Variants in CACNA1S observed in about 807,000 individuals in gnomAD.
The protein encoded by CACNA1S is calcium voltage-gated channel subunit alpha1 S.
A neutral mutation model predicts 207.4 loss-of-function variants in CACNA1S; 126 were observed. The observed-to-expected ratio is 0.61, with a 90% CI of 0.53 to 0.70. The LOEUF (loss-of-function observed/expected upper bound fraction) is 0.70. CACNA1S is among the 30% of genes least tolerant of loss of function. The pLI, the probability that CACNA1S is intolerant of heterozygous loss-of-function variation, is 0.00. For synonymous variants in CACNA1S, 960 were observed against 932.7 expected, an observed-to-expected ratio of 1.03 and a Z score of -0.53; for missense variants, 2,349 against 2,422.8, an observed-to-expected ratio of 0.97 and a Z score of 0.64.
chr1:201,081,710 G>T (rs564966306), intron 10 of CACNA1S, among the ~76,000 whole-genome samples: 4 of 133,652 alleles, frequency 3.0e-5, no homozygotes, highest in Admixed American at 7.9e-5. Flanking sequence ...GGGGCCTGGT[G>T]GGGGGTGTTT....
chr1:201,052,673 T>A, intron 31 of CACNA1S, 25 bp from the exon 32 acceptor site: 1 of 1,577,220 alleles, frequency 6.3e-7, no homozygotes. Context: ...GGGCCCTGAC[T>A]GTGGAACCTA....
At chr1:201,072,898 G>C (rs2102136067) in intron 15 of CACNA1S, 74 bp from the exon 16 acceptor site, 1 of 1,087,718 alleles carries the variant, frequency 9.2e-7, no homozygotes, top group South Asian at 1.2e-5. Flanking sequence ...ATATACTGGA[G>C]AGCCTGTTAG....
chr1:201,047,548 T>A lies in CACNA1S; in HGVS notation c.4520A>T (p.Asp1507Val). The A allele has an allele frequency of 6.2e-7, 1 of 1,614,096 alleles. No homozygotes were observed. Among genetic ancestry groups the A allele is most frequent in the Non-Finnish European group, 8.5e-7 (1 of 1,179,924 alleles). Residue 1507 changes from aspartate (D) to valine (V), a missense_variant, in exon 37 of 44, where the codon GAC (aspartate) becomes GTC (valine). Coordinates refer to ENST00000362061, the MANE Select transcript of CACNA1S (RefSeq NM_000069.3). ...ACCTCCTATTGGAGGGATGACCTGG[T>A]CCAAGAGCTTCATGCTGGTTCTCTT... ...IWKRTSMKLL[D>V]QVIPPIGDDE...
chr1:201,043,119 C>A, intron 40 of CACNA1S, 162 bp downstream of exon 40: 1 of 831,886 alleles, frequency 1.2e-6, no homozygotes, highest in South Asian at 1.5e-5. Context: ...CCTCTGCCAT[C>A]GAGGTCGGCC....
rs112628416 is a variant in CACNA1S at position 201,085,049 on chromosome 1, A to G, written c.1151-18T>C. 1.0e-4 allele frequency: 165 copies of G among 1,596,014 alleles called. No homozygotes were observed. The highest frequency in any genetic ancestry group is 1.3e-4 in the Non-Finnish European group (155 of 1,170,172). On this transcript the variant is annotated intron_variant, in intron 8 of 43. Coordinates refer to ENST00000362061, the MANE Select transcript of CACNA1S (RefSeq NM_000069.3). ...CAGTTTTCCTGGAGACAGGAGAGAAAGAGTCAGCCAGCCTTCGGGGCCCCT... is the reference window on the plus strand; with the variant it reads ...CAGTTTTCCTGGAGACAGGAGAGAAGGAGTCAGCCAGCCTTCGGGGCCCCT...
intron 18 of CACNA1S, 127 bp from the exon 19 acceptor site, chr1:201,069,323 G>A (rs1661366103): frequency 1.4e-6 from 2 of 1,404,370 alleles, no homozygotes; most frequent in Middle Eastern, 1.8e-4. Flanking sequence ...TTCAGAAGGA[G>A]TGGAGTGGGC....
At chr1:201,110,361 C>T in intron 1 of CACNA1S, 92 bp from the exon 2 acceptor site, 1 of 1,074,700 alleles carries the variant, frequency 9.3e-7, no homozygotes, top group Non-Finnish European at 1.4e-6. Context: ...TGGACTGTGA[C>T]TCTGATGCCA....
intron 8 of CACNA1S, 37 bp downstream of exon 8, chr1:201,085,399 G>T (rs1448024840): frequency 6.2e-6 from 10 of 1,613,614 alleles, no homozygotes. Context: ...GAGTGAGAGA[G>T]TGGGGTGAGT....
Position 201,069,134 on chromosome 1 carries a change from C to T in CACNA1S, c.2550+3G>A. On this transcript the variant is annotated splice_donor_region_variant and intron_variant, in intron 19 of 43. Coordinates refer to ENST00000362061, the MANE Select transcript of CACNA1S (RefSeq NM_000069.3). Reference sequence around the variant, plus strand: ...CCAGGGCTGCCCCACAGCCTTCACTCACCTTGAGGACAATCTCCACAGTGA... The same window carrying T: ...CCAGGGCTGCCCCACAGCCTTCACTTACCTTGAGGACAATCTCCACAGTGA... The T allele has an allele frequency of 6.2e-7, 1 of 1,613,838 alleles. No homozygotes were observed. The highest frequency in any genetic ancestry group is 8.5e-7 in the Non-Finnish European group (1 of 1,179,728).
At chr1:201,059,348 A>C (rs1572033778) in intron 26 of CACNA1S, 49 bp from the exon 27 acceptor site, 1 of 1,238,796 alleles carries the variant, frequency 8.1e-7, no homozygotes. Flanking sequence ...GGGTTTGCCC[A>C]CCCTGTAGAT....
intron 39 of CACNA1S, 26 bp downstream of exon 39, chr1:201,044,302 T>C: frequency 6.2e-7 from 1 of 1,611,948 alleles, no homozygotes; most frequent in Middle Eastern, 1.7e-4. Flanking sequence ...TCTAGACCAC[T>C]AGGGGTGCTC....
At chr1:201,071,610 C>G (rs1661437520) in intron 16 of CACNA1S, among the ~76,000 whole-genome samples, 1 of 152,082 alleles carries the variant, frequency 6.6e-6, no homozygotes, top group Non-Finnish European at 1.5e-5. Flanking sequence ...TCCTGCTGTC[C>G]AGCCCACACC....
At chr1:201,111,600 C>G (rs1000345706) in intron 1 of CACNA1S, among the ~76,000 whole-genome samples, 6 of 152,180 alleles carry the variant, frequency 3.9e-5, no homozygotes, top group Non-Finnish European at 5.9e-5. Context: ...CTGTCCTCAG[C>G]TGGGACCTGC....
At chr1:201,107,727 C>A (rs771929871) in intron 2 of CACNA1S, among the ~76,000 whole-genome samples, 6 of 152,166 alleles carry the variant, frequency 3.9e-5, no homozygotes, top group Non-Finnish European at 7.3e-5. Context: ...TACTCTGACT[C>A]CTCTCATCTC....
intron 2 of CACNA1S, among the ~76,000 whole-genome samples, chr1:201,108,342 T>A (rs4915217): frequency 0.46 from 70,034 of 151,560 alleles, 16,811 homozygotes; most frequent in East Asian, 0.81. Flanking sequence ...GATGCAAGAT[T>A]TCTTCACGTC....
At chr1:201,076,512 G>A (rs886330974) in intron 12 of CACNA1S, among the ~76,000 whole-genome samples, 2 of 152,258 alleles carry the variant, frequency 1.3e-5, no homozygotes, top group Non-Finnish European at 2.9e-5. Flanking sequence ...CCCCTGCAGA[G>A]TGAGAAATGG....
intron 2 of CACNA1S, among the ~76,000 whole-genome samples, chr1:201,108,921 G>C (rs112218324): frequency 1.3e-5 from 2 of 152,082 alleles, no homozygotes; most frequent in Non-Finnish European, 2.9e-5. Flanking sequence ...TCTTTCTGCC[G>C]TCACCCATCA....
chr1:201,077,024 G>A lies in CACNA1S; in HGVS notation c.1723C>T (p.Leu575Phe), dbSNP rs772213240. The change falls in exon 12 of 44, where the codon CTC (leucine) becomes TTC (phenylalanine). Residue 575 changes from leucine to phenylalanine, a missense_variant. Leu to Phe is a conservative substitution (Grantham distance 22). Coordinates refer to ENST00000362061, the MANE Select transcript of CACNA1S (RefSeq NM_000069.3). ...CCCCCAAAGAGCTGCATGCCCAGGA[G>A]GGCGAAGATGACGATGAAGAGGAAG... ...LLFLFIVIFA[L>F]LGMQLFGGRY... is the part of the protein sequence containing the mutation. The A allele has an allele frequency of 2.0e-5, 32 of 1,614,036 alleles. No individual in the cohort carries two copies. Among genetic ancestry groups the A allele is most frequent in the Non-Finnish European group, 2.5e-5 (30 of 1,180,042 alleles).
chr1:201,074,616 G>A lies in CACNA1S; in HGVS notation c.1953C>T (p.Ile651=). 6.2e-7 allele frequency: 1 copy of A among 1,606,554 alleles called. No homozygotes were observed. Among genetic ancestry groups the A allele is most frequent in the South Asian group, 1.1e-5 (1 of 90,650 alleles). The change falls in exon 14 of 44, where the codon ATC becomes ATT. Residue 651 remains isoleucine (I), a synonymous_variant. Coordinates refer to ENST00000362061, the MANE Select transcript of CACNA1S (RefSeq NM_000069.3). The part of the protein sequence containing the change: ...FIILFVCGNY[I]LLNVFLAIAV... ...CAATGGCCAGGAAGACATTGAGCAG[G>A]ATGTCTGAGCGGGTTTAGCTAAGGA...
Sources: gnomAD v4.1 joint callset for allele counts (sites outside exome capture counted in the v4.1 genomes callset) on GRCh38, gnomAD v4.1.1 for gene constraint, MANE v1.5 for transcripts, NCBI Gene and HGNC (gene_info 2026-07-23, HGNC 2026-07-21) for gene names.